DLG2: variants seen among roughly 807,000 people sequenced by gnomAD.
DLG2 encodes the protein discs large MAGUK scaffold protein 2, also known as disks large homolog 2.
A neutral mutation model predicts 132.5 loss-of-function variants in DLG2; 45 were observed. That is an observed-to-expected ratio of 0.34 (90% CI 0.27 to 0.44). The LOEUF (loss-of-function observed/expected upper bound fraction) is 0.44, where lower values mean the gene tolerates loss of function less well. DLG2 is among the 20% of genes least tolerant of loss of function. DLG2 has a pLI of 1.00. For missense variants in DLG2, 1,045 were observed against 1,196.9 expected, an observed-to-expected ratio of 0.87 and a Z score of 1.87; for synonymous variants, 424 against 419.6, an observed-to-expected ratio of 1.01 and a Z score of -0.13.
chr11:85,561,688 C>T lies in DLG2; in HGVS notation c.40+36969G>A, dbSNP rs1598533144. Reference sequence around the variant, plus strand: ...AGCATGGTTCTATAGAGATATAAGACATTGTATACTAACTTCATTATGCTA... The same window carrying T: ...AGCATGGTTCTATAGAGATATAAGATATTGTATACTAACTTCATTATGCTA... On this transcript the variant is annotated intron_variant, in intron 3 of 27. Coordinates refer to ENST00000376104, the MANE Select transcript of DLG2 (RefSeq NM_001142699.3). Among the ~76,000 whole-genome samples the T allele has an allele frequency of 4.6e-5, 7 of 151,904 alleles. No homozygotes were observed. The South Asian group carries it at 1.5e-3, about 32-fold the overall frequency.
At chr11:83,892,582 G>T (rs2070258315) in intron 15 of DLG2, among the ~76,000 whole-genome samples, 1 of 152,034 alleles carries the variant, frequency 6.6e-6, no homozygotes, top group Non-Finnish European at 1.5e-5. Context: ...TATATTGTAT[G>T]CAAGTTACAA....
intron 6 of DLG2, among the ~76,000 whole-genome samples, chr11:84,688,651 T>C (rs1396294527): frequency 6.6e-6 from 1 of 152,198 alleles, no homozygotes; most frequent in Non-Finnish European, 1.5e-5. Context: ...AGGTGTATAC[T>C]ATACACTTAA....
intron 14 of DLG2, among the ~76,000 whole-genome samples, chr11:83,935,851 T>G (rs1451247429): frequency 6.6e-6 from 1 of 152,224 alleles, no homozygotes; most frequent in Non-Finnish European, 1.5e-5. Context: ...GATCTGGCTC[T>G]TTCAAATTCT....
At chr11:84,942,414 G>C (rs575860041) in intron 6 of DLG2, among the ~76,000 whole-genome samples, 2 of 151,966 alleles carry the variant, frequency 1.3e-5, no homozygotes, top group African/African-American at 4.8e-5. Flanking sequence ...ACAGATATTG[G>C]TATATTCTGT....
intron 9 of DLG2, among the ~76,000 whole-genome samples, chr11:84,130,157 A>T (rs2094353952): frequency 6.6e-5 from 10 of 152,018 alleles, no homozygotes. Flanking sequence ...CCATAATTAC[A>T]ATCTCAAGAA....
intron 7 of DLG2, among the ~76,000 whole-genome samples, chr11:84,421,987 G>A (rs1304703362): frequency 6.6e-6 from 1 of 152,104 alleles, no homozygotes; most frequent in African/African-American, 2.4e-5. Context: ...AAATTGTGTT[G>A]AGTCTAGAGA....
chr11:83,875,054 T>C (rs183780688), intron 15 of DLG2, among the ~76,000 whole-genome samples: 1 of 152,258 alleles, frequency 6.6e-6, no homozygotes, highest in Admixed American at 6.5e-5. Context: ...ACCTAATCTG[T>C]AAATCAGGTA....
At chr11:85,498,904 C>T (rs1272890897) in intron 3 of DLG2, among the ~76,000 whole-genome samples, 1 of 152,160 alleles carries the variant, frequency 6.6e-6, no homozygotes, top group Non-Finnish European at 1.5e-5. Context: ...AGAACAAGGA[C>T]ACCATGTACC....
intron 3 of DLG2, among the ~76,000 whole-genome samples, chr11:85,438,012 A>C (rs984048139): frequency 4.6e-5 from 7 of 152,216 alleles, no homozygotes; most frequent in African/African-American, 1.7e-4. Flanking sequence ...CAGGCTGTAC[A>C]AGTAGCATGG....
chr11:85,191,010 C>G (rs189809419), intron 4 of DLG2, among the ~76,000 whole-genome samples: 19 of 152,290 alleles, frequency 1.2e-4, no homozygotes, highest in Non-Finnish European at 2.4e-4. Context: ...ACTGTCATTA[C>G]TGGGTACATA....
At chr11:84,416,639 T>G (rs1326185365) in intron 7 of DLG2, among the ~76,000 whole-genome samples, 1 of 152,236 alleles carries the variant, frequency 6.6e-6, no homozygotes, top group African/African-American at 2.4e-5. Flanking sequence ...CACTTAACTG[T>G]GTGATCTTAG....
chr11:84,104,934 A>C (rs1239190356), intron 9 of DLG2, among the ~76,000 whole-genome samples: 1 of 152,126 alleles, frequency 6.6e-6, no homozygotes, highest in Non-Finnish European at 1.5e-5. Flanking sequence ...ATTAGAATGA[A>C]AAACAAACAA....
intron 6 of DLG2, among the ~76,000 whole-genome samples, chr11:84,899,078 C>T (rs528282551): frequency 1.3e-5 from 2 of 151,970 alleles, no homozygotes; most frequent in South Asian, 2.1e-4. Context: ...GCTTCAATTC[C>T]GGCCAACAGA....
chr11:85,520,430 T>G (rs2074202827), intron 3 of DLG2, among the ~76,000 whole-genome samples: 1 of 151,892 alleles, frequency 6.6e-6, no homozygotes. Flanking sequence ...CAAAGAAGTC[T>G]GCCAGGTTCA....
intron 3 of DLG2, among the ~76,000 whole-genome samples, chr11:85,372,160 T>G (rs183798054): frequency 6.6e-6 from 1 of 152,156 alleles, no homozygotes. Flanking sequence ...AAAATCTGGA[T>G]CAATATTCTA....
chr11:83,760,666 A>G (rs1174380230), intron 18 of DLG2, among the ~76,000 whole-genome samples: 1 of 152,044 alleles, frequency 6.6e-6, no homozygotes, highest in Non-Finnish European at 1.5e-5. Flanking sequence ...CACCATCTCC[A>G]TCTATTCTAA....
intron 6 of DLG2, among the ~76,000 whole-genome samples, chr11:84,584,222 A>G (rs1001141346): frequency 1.3e-5 from 2 of 152,182 alleles, no homozygotes; most frequent in Admixed American, 1.3e-4. Context: ...ATTGAGTATA[A>G]AATGGTATCG....
In DLG2 at chr11:84,961,269, C is replaced by G. The variant is rs183381698; in HGVS notation, c.357+150392G>C. Among the ~76,000 whole-genome samples, 6 of 151,974 alleles carry G rather than the reference C, an allele frequency of 3.9e-5. No individual in the cohort carries two copies. The East Asian group carries it at 1.2e-3, about 30-fold the overall frequency. On this transcript the variant is annotated intron_variant, in intron 6 of 27. Coordinates refer to ENST00000376104, the MANE Select transcript of DLG2 (RefSeq NM_001142699.3). ...GTAGAAGTGGGTAAAAATTCCAACA[C>G]AGGGTATCATACCAGTGTAGCTCAT...
intron 14 of DLG2, among the ~76,000 whole-genome samples, chr11:83,960,122 A>G (rs1017201639): frequency 2.0e-5 from 3 of 151,968 alleles, no homozygotes; most frequent in Non-Finnish European, 4.4e-5. Flanking sequence ...AATCTATCCC[A>G]CTACCACAAA....
Sources: allele counts gnomAD v4.1 joint callset (sites outside exome capture counted in the v4.1 genomes callset), GRCh38; gene constraint gnomAD v4.1.1; transcripts MANE v1.5; gene names NCBI Gene and HGNC (gene_info 2026-07-23, HGNC 2026-07-21).